MYBPC1: variants seen among roughly 807,000 people sequenced by gnomAD.
The protein encoded by MYBPC1 is myosin binding protein C1.
A neutral mutation model predicts 147.1 loss-of-function variants in MYBPC1; 52 were observed. That is an observed-to-expected ratio of 0.35 (90% confidence interval 0.28 to 0.45). The LOEUF (loss-of-function observed/expected upper bound fraction) is 0.45. Ranked by LOEUF, MYBPC1 falls within the 20% of genes least tolerant of loss-of-function variation. The pLI is 1.00. For missense variants in MYBPC1, 1,228 were observed against 1,440.3 expected, an observed-to-expected ratio of 0.85 and a Z score of 2.39; for synonymous variants, 477 against 475.9, an observed-to-expected ratio of 1.00 and a Z score of -0.03.
intron 22 of MYBPC1, chr12:101,664,642 T>C (rs1333628412): frequency 1.3e-5 from 2 of 152,228 alleles, no homozygotes; most frequent in African/African-American, 2.4e-5. Context: ...TTGGGGCACC[T>C]GTGGAAATGC....
rs1362578992 is a variant in MYBPC1, at chr12:101,649,358, A to C, written c.1295A>C (p.Lys432Thr). 1 of 1,613,984 alleles carries C rather than the reference A, an allele frequency of 6.2e-7. No individual in the cohort carries two copies. Among genetic ancestry groups the C allele is most frequent in the South Asian group, 1.1e-5 (1 of 91,078 alleles). ...ATCTTGATCATAGAGGGAGCAACAAAGGCTGATGCTGCAGAATATTCAGTA... is the reference window on the plus strand; with the variant it reads ...ATCTTGATCATAGAGGGAGCAACAACGGCTGATGCTGCAGAATATTCAGTA... ...KHILIIEGAT[K>T]ADAAEYSVMT... The change falls in exon 15 of 32, where the codon AAG becomes ACG. Residue 432 changes from lysine (K) to threonine (T), a missense_variant. This residue lies in a region of MYBPC1 where 1,077 missense variants were observed against 1,314.2 expected (regional missense o/e 0.82). Transcript: ENST00000361466.
chr12:101,685,412 A>C (rs1951293367), intron 31 of MYBPC1, among the ~76,000 whole-genome samples, 170 bp from the exon 32 acceptor site: 1 of 152,252 alleles, frequency 6.6e-6, no homozygotes, highest in Admixed American at 6.5e-5. Flanking sequence ...TTTAAATTCT[A>C]AATGTACTAA....
chr12:101,626,105 AAAAAAAAT>A (rs1888547559), intron 3 of MYBPC1, among the ~76,000 whole-genome samples: 1 of 151,178 alleles, frequency 6.6e-6, no homozygotes, highest in African/African-American at 2.4e-5. Context: ...AAAAAAAAAA[AAAAAAAAT>A]TTATCCTTCT....
intron 3 of MYBPC1, 31 bp downstream of exon 3, chr12:101,617,274 A>C: frequency 6.2e-7 from 1 of 1,610,734 alleles, no homozygotes; most frequent in Non-Finnish European, 8.5e-7. Context: ...GTGAGGCTGA[A>C]GTCAACAAAA....
chr12:101,640,230 T>G (rs1267150428), intron 10 of MYBPC1, among the ~76,000 whole-genome samples: 1 of 152,196 alleles, frequency 6.6e-6, no homozygotes, highest in African/African-American at 2.4e-5. Context: ...CAGGCTGGTC[T>G]CGAACTCCTG....
At position 101,685,633 on chromosome 12, in the gene MYBPC1, T is replaced by C. The variant is rs1411305406; in HGVS notation, c.*71T>C. The C allele has an allele frequency of 5.2e-6, 8 of 1,535,144 alleles. No individual in the cohort carries two copies. The highest frequency in any genetic ancestry group is 1.4e-5 in the African/African-American group (1 of 73,078). On this transcript the variant is annotated 3_prime_UTR_variant, in exon 32 of 32. Coordinates refer to ENST00000361466, the MANE Select transcript of MYBPC1 (RefSeq NM_002465.4). ...TTGCAAGGCGTACCTCCAAACATAA[T>C]TGATTCGTATCTGCGAGACTTACAC...
chr12:101,611,405 G>C (rs1224723771), intron 1 of MYBPC1, among the ~76,000 whole-genome samples: 1 of 151,502 alleles, frequency 6.6e-6, no homozygotes, highest in Non-Finnish European at 1.5e-5. Flanking sequence ...TGCCCAAGAT[G>C]ATTCTCTTTT....
intron 1 of MYBPC1, among the ~76,000 whole-genome samples, chr12:101,612,503 A>G (rs373978693): frequency 2.0e-5 from 3 of 152,362 alleles, no homozygotes; most frequent in South Asian, 2.1e-4. Flanking sequence ...AGAAGTGCCC[A>G]TGAACAACGG....
the MYBPC1 span, among the ~76,000 whole-genome samples, chr12:101,693,647 A>G: frequency 6.6e-6 from 1 of 152,230 alleles, no homozygotes; most frequent in Non-Finnish European, 1.5e-5. Flanking sequence ...ATGCTGAGGC[A>G]GGTGAATCAC....
chr12:101,689,318 G>C (rs759106733), downstream of MYBPC1, among the ~76,000 whole-genome samples: 3 of 151,364 alleles, frequency 2.0e-5, no homozygotes, highest in Non-Finnish European at 3.0e-5. Flanking sequence ...AGAAGGAAAG[G>C]CCTCTGGTCT....
intron 31 of MYBPC1, among the ~76,000 whole-genome samples, 170 bp downstream of exon 31, chr12:101,684,594 A>G (rs1951239654): frequency 2.6e-5 from 4 of 152,212 alleles, no homozygotes; most frequent in Admixed American, 2.6e-4. Context: ...ATTAACAGCT[A>G]GTACTTATCC....
In MYBPC1 at chr12:101,634,715, T is replaced by G; in HGVS notation, c.608+110T>G. On this transcript the variant is annotated intron_variant, in intron 9 of 31. Transcript: ENST00000361466. ...CGTATTCCAAATACGAACAACACTTTTCACCGCAAAAACACCATATATTTA... is the reference window on the plus strand; with the variant it reads ...CGTATTCCAAATACGAACAACACTTGTCACCGCAAAAACACCATATATTTA... 2.2e-6 allele frequency: 2 copies of G among 906,820 alleles called. 1 individual carries two copies. The highest frequency in any genetic ancestry group is 2.7e-5 in the South Asian group (2 of 74,106). 56.2% of individuals were successfully genotyped at this position (906,820 alleles called of 1,614,324 possible).
intron 8 of MYBPC1, among the ~76,000 whole-genome samples, chr12:101,634,191 C>T (rs1221698581): frequency 3.3e-5 from 5 of 152,138 alleles, no homozygotes; most frequent in African/African-American, 4.8e-5. Context: ...TGAGCCACCG[C>T]GCCCGGCCCC....
At chr12:101,666,890 TACATACACAC>T (rs1482028242) in intron 22 of MYBPC1, 3 of 462,840 alleles carry the variant, frequency 6.5e-6, no homozygotes, top group Non-Finnish European at 1.2e-5. Flanking sequence ...ACTCATCACA[TACATACACAC>T]ACACACACAC....
At chr12:101,689,163 T>TC (rs1951386679), downstream of MYBPC1, among the ~76,000 whole-genome samples, 1 of 152,122 alleles carries the variant, frequency 6.6e-6, no homozygotes, top group South Asian at 2.1e-4. Flanking sequence ...GAACAGGACT[T>TC]ACCATATTAC....
rs143866453 is a variant in MYBPC1 at position 101,659,913 on chromosome 12, C to T, written c.1927+82C>T. ...GTAGACTTTCCTTCTTTGTCCTTTC[C>T]TTCCATTTCCTTCCTTTGTCTTTCC... On this transcript the variant is annotated intron_variant, in intron 19 of 31. Coordinates refer to ENST00000361466, the MANE Select transcript of MYBPC1 (RefSeq NM_002465.4). The T allele has an allele frequency of 6.2e-5, 92 of 1,488,626 alleles. 1 individual carries two copies. In the East Asian group the frequency reaches 8.6e-4, roughly 14 times the overall value. 92.2% of individuals were successfully genotyped at this position (1,488,626 alleles called of 1,614,324 possible).
chr12:101,667,908 C>T lies in MYBPC1; in HGVS notation c.2524+9C>T, dbSNP rs763575079. ...CGTGAAGGAAATCATAGGTAGGAGA[C>T]AAGGCTTTCAAAAGTTAGACTCCAT... On this transcript the variant is annotated intron_variant, in intron 23 of 31. Transcript: ENST00000361466. The T allele has an allele frequency of 1.2e-5, 19 of 1,612,956 alleles. No individual in the cohort carries two copies. The African/African-American group carries it at 2.3e-4, about 19-fold the overall frequency.
intron 7 of MYBPC1, 27 bp downstream of exon 7, chr12:101,631,746 C>T (rs768431119): frequency 1.1e-5 from 17 of 1,613,502 alleles, no homozygotes; most frequent in African/African-American, 6.7e-5. Context: ...CCAGGACAGG[C>T]GCTCAGCTAG....
chr12:101,602,171 G>T (rs1290665698), intron 1 of MYBPC1, among the ~76,000 whole-genome samples: 1 of 152,100 alleles, frequency 6.6e-6, no homozygotes, highest in East Asian at 1.9e-4. Context: ...TTGGGTCTCA[G>T]TAAGAATTAA....
Sources: allele counts gnomAD v4.1 joint callset (sites outside exome capture counted in the v4.1 genomes callset), GRCh38; gene constraint gnomAD v4.1.1; regional missense constraint gnomAD v4.1.1; transcripts MANE v1.5; gene names NCBI Gene and HGNC (gene_info 2026-07-23, HGNC 2026-07-21).